Variants in CSMD3 observed in about 807,000 individuals in gnomAD.
CSMD3 encodes CUB and sushi domain-containing protein 3.
A neutral mutation model predicts 435.2 loss-of-function variants in CSMD3; 177 were observed. The ratio of observed to expected loss-of-function variants is 0.41; its 90% CI spans 0.36 to 0.46. The LOEUF is 0.46. CSMD3 is among the 20% of genes least tolerant of loss of function. The pLI is 0.34. For synonymous variants in CSMD3, 1,656 were observed against 1,520.5 expected (o/e 1.09, Z -2.07); for missense variants, 4,265 against 4,504.6 (o/e 0.95, Z 1.52).
At chr8:112,422,673 C>T (rs538563482) in intron 32 of CSMD3, among the ~76,000 whole-genome samples, 2 of 152,164 alleles carry the variant, frequency 1.3e-5, no homozygotes, top group South Asian at 2.1e-4. Context: ...AGTAGGTAGA[C>T]GAAACAGAAA....
chr8:112,928,439 C>T (rs1305015399), intron 9 of CSMD3, among the ~76,000 whole-genome samples: 4 of 152,130 alleles, frequency 2.6e-5, no homozygotes, highest in Non-Finnish European at 5.9e-5. Context: ...AAAATCCTTG[C>T]TATAATACCC....
At chr8:112,805,099 A>G (rs1261449709) in intron 12 of CSMD3, among the ~76,000 whole-genome samples, 1 of 152,104 alleles carries the variant, frequency 6.6e-6, no homozygotes, top group Non-Finnish European at 1.5e-5. Context: ...ATAGGGCCTC[A>G]TATTGGGAAT....
intron 22 of CSMD3, among the ~76,000 whole-genome samples, chr8:112,623,628 T>C (rs939951809): frequency 3.2e-5 from 1 of 31,150 alleles, no homozygotes; most frequent in Non-Finnish European, 6.7e-5. Flanking sequence ...ACTCGTCATC[T>C]AGCATTAGGT....
intron 35 of CSMD3, among the ~76,000 whole-genome samples, chr8:112,404,343 C>T (rs1831585631): frequency 1.3e-5 from 2 of 151,998 alleles, no homozygotes; most frequent in Admixed American, 6.6e-5. Flanking sequence ...GCCTGACCAA[C>T]ATGGTGAAAC....
At chr8:112,750,768 A>C (rs2077550908) in intron 13 of CSMD3, among the ~76,000 whole-genome samples, 2 of 152,126 alleles carry the variant, frequency 1.3e-5, no homozygotes. Context: ...GCTATTACAA[A>C]TACAAGTTTA....
chr8:112,268,140 T>C (rs1377685331), intron 59 of CSMD3, among the ~76,000 whole-genome samples: 1 of 152,150 alleles, frequency 6.6e-6, no homozygotes, highest in Non-Finnish European at 1.5e-5. Context: ...ATACTTTGAC[T>C]CTTGTATGCT....
intron 29 of CSMD3, 76 bp from the exon 30 acceptor site, chr8:112,504,053 T>A: frequency 1.1e-6 from 1 of 909,562 alleles, no homozygotes; most frequent in Non-Finnish European, 1.7e-6. Flanking sequence ...ACCATAATAG[T>A]TATATAATCA....
intron 5 of CSMD3, among the ~76,000 whole-genome samples, chr8:113,035,135 G>T (rs2087286850): frequency 6.6e-6 from 1 of 151,874 alleles, no homozygotes; most frequent in African/African-American, 2.4e-5. Context: ...TCAAAGCAAT[G>T]AAATTGAAAG....
chr8:112,659,851 A>T (rs1716044914), intron 17 of CSMD3, among the ~76,000 whole-genome samples: 1 of 152,144 alleles, frequency 6.6e-6, no homozygotes, highest in African/African-American at 2.4e-5. Flanking sequence ...AGCTGTTGAG[A>T]CAATCTCAAA....
chr8:113,132,232 G>A (rs2091301288), intron 4 of CSMD3, among the ~76,000 whole-genome samples: 2 of 152,150 alleles, frequency 1.3e-5, no homozygotes. Context: ...ATGCTGAAAT[G>A]AGTTAAGACT....
chr8:112,583,474 T>C (rs898627744), intron 23 of CSMD3, among the ~76,000 whole-genome samples: 1 of 151,962 alleles, frequency 6.6e-6, no homozygotes, highest in Non-Finnish European at 1.5e-5. Context: ...CATTAAAGGA[T>C]TTTTTATAAA....
chr8:112,794,827 T>G (rs1159277616), intron 13 of CSMD3, among the ~76,000 whole-genome samples: 1 of 152,100 alleles, frequency 6.6e-6, no homozygotes, highest in African/African-American at 2.4e-5. Flanking sequence ...TGCTATATCT[T>G]TATTATTTTT....
intron 10 of CSMD3, among the ~76,000 whole-genome samples, chr8:112,891,672 G>A (rs113836827): frequency 2.0e-5 from 3 of 151,600 alleles, no homozygotes; most frequent in African/African-American, 7.2e-5. Context: ...CAGGTTGTAT[G>A]ACATTTTCAG....
intron 4 of CSMD3, among the ~76,000 whole-genome samples, chr8:113,158,916 G>A (rs758802102): frequency 6.6e-6 from 1 of 151,782 alleles, no homozygotes; most frequent in East Asian, 1.9e-4. Flanking sequence ...TAAACAAGAC[G>A]GTGCCAAATA....
chr8:113,286,925 G>C (rs959117263), intron 2 of CSMD3, among the ~76,000 whole-genome samples: 1 of 151,726 alleles, frequency 6.6e-6, no homozygotes. Flanking sequence ...GAGAGGACGA[G>C]GAGTAAAGAA....
chr8:112,813,692 A>G (rs1001725067), intron 12 of CSMD3, among the ~76,000 whole-genome samples: 1 of 152,202 alleles, frequency 6.6e-6, no homozygotes, highest in Non-Finnish European at 1.5e-5. Flanking sequence ...GTGTTCATTC[A>G]GGACCAAAGT....
intron 27 of CSMD3, among the ~76,000 whole-genome samples, chr8:112,533,829 T>A (rs1335989941): frequency 1.3e-5 from 2 of 152,166 alleles, no homozygotes; most frequent in Non-Finnish European, 2.9e-5. Flanking sequence ...ATACTTCTCA[T>A]TAGCACCAGG....
intron 43 of CSMD3, 80 bp from the exon 44 acceptor site, chr8:112,336,909 A>G: frequency 3.4e-6 from 4 of 1,167,094 alleles, no homozygotes; most frequent in Non-Finnish European, 5.1e-6. Context: ...AACATTTCAC[A>G]TATCTTAAGC....
intron 11 of CSMD3, among the ~76,000 whole-genome samples, chr8:112,841,982 A>T (rs2080190260): frequency 6.6e-6 from 1 of 151,806 alleles, no homozygotes; most frequent in Non-Finnish European, 1.5e-5. Context: ...TGTGAGGGCA[A>T]TTAAATCATC....
Sources: gnomAD v4.1 joint callset for allele counts (sites outside exome capture counted in the v4.1 genomes callset) on GRCh38, gnomAD v4.1.1 for gene constraint, MANE v1.5 for transcripts, NCBI Gene and HGNC (gene_info 2026-07-23, HGNC 2026-07-21) for gene names.